The following CRPPA variants were observed in gnomAD, a reference collection of about 807,000 sequenced individuals.
CRPPA encodes the protein CDP-L-ribitol pyrophosphorylase A, also known as D-ribitol-5-phosphate cytidylyltransferase.
A neutral mutation model predicts 52.0 loss-of-function variants in CRPPA; 43 were observed. The ratio of observed to expected loss-of-function variants is 0.83; its 90% CI spans 0.65 to 1.07. CRPPA has a LOEUF of 1.07. Among genes scored for constraint, CRPPA ranks in the 50% least tolerant of loss-of-function variants. The probability of loss-of-function intolerance (pLI) is 0.00; values close to 1 mark genes in which losing one functional copy is unlikely to be tolerated. For missense variants in CRPPA, 629 were observed against 551.7 expected (o/e 1.14, Z -1.40); for synonymous variants, 250 against 203.5 (o/e 1.23, Z -1.94).
chr7:16,364,181 T>G (rs1403205600), intron 3 of CRPPA, among the ~76,000 whole-genome samples: 1 of 152,186 alleles, frequency 6.6e-6, no homozygotes, highest in Admixed American at 6.5e-5. Flanking sequence ...CTTTTTACAT[T>G]AAGGCATAAA....
At chr7:16,096,768 A>C (rs1039713576) in intron 9 of CRPPA, among the ~76,000 whole-genome samples, 2 of 152,176 alleles carry the variant, frequency 1.3e-5, no homozygotes, top group African/African-American at 4.8e-5. Flanking sequence ...CTTGGTTACA[A>C]CTATATTATA....
chr7:16,118,467 CT>C (rs1227001332), intron 9 of CRPPA, among the ~76,000 whole-genome samples: 4 of 152,180 alleles, frequency 2.6e-5, no homozygotes, highest in Non-Finnish European at 4.4e-5. Context: ...AAAAATTGTG[CT>C]CTTGAACAGT....
chr7:16,180,628 T>C (rs1781393691), intron 9 of CRPPA, among the ~76,000 whole-genome samples: 1 of 152,102 alleles, frequency 6.6e-6, no homozygotes, highest in Non-Finnish European at 1.5e-5. Flanking sequence ...CAATATTTTC[T>C]ACAATTTTAT....
chr7:16,278,878 T>C (rs1327496991), intron 5 of CRPPA, among the ~76,000 whole-genome samples: 2 of 152,190 alleles, frequency 1.3e-5, no homozygotes, highest in African/African-American at 4.8e-5. Context: ...AGATATGAAG[T>C]CCTCCTCTAT....
intron 8 of CRPPA, among the ~76,000 whole-genome samples, chr7:16,254,435 G>T (rs972474085): frequency 2.0e-5 from 3 of 152,066 alleles, no homozygotes; most frequent in Admixed American, 1.3e-4. Flanking sequence ...CATGTCCTTT[G>T]TAGGGACATG....
chr7:16,346,130 T>C (rs1444224754), intron 3 of CRPPA, among the ~76,000 whole-genome samples: 2 of 152,150 alleles, frequency 1.3e-5, no homozygotes, highest in Admixed American at 1.3e-4. Flanking sequence ...AAATAATTAC[T>C]GAGTGGCTAT....
intron 8 of CRPPA, among the ~76,000 whole-genome samples, chr7:16,225,681 AATT>A (rs1464087158): frequency 2.0e-5 from 3 of 151,952 alleles, no homozygotes; most frequent in Admixed American, 6.6e-5. Context: ...ATCAATCTAT[AATT>A]ATTATTAAGG....
intron 1 of CRPPA, among the ~76,000 whole-genome samples, chr7:16,420,702 G>A (rs1233454738): frequency 1.3e-5 from 2 of 152,166 alleles, no homozygotes; most frequent in Non-Finnish European, 2.9e-5. Context: ...ATGCGCGGAG[G>A]CAGAGCCCCA....
rs1263131424 is a variant in CRPPA, at chr7:16,090,709, A to C, written c.*986T>G. 6.6e-6 allele frequency: 1 copy of C among 152,096 alleles called. No individual in the cohort carries two copies. The highest frequency in any genetic ancestry group is 1.5e-5 in the Non-Finnish European group (1 of 68,032). The allele number at this position is 152,096 out of a possible 1,614,324, so 9.4% of individuals were successfully genotyped here. ...CTGCACTCCAGCCTGACAGAGGGCG[A>C]CTGCATTTCAAAACAATAAAAAATA... is the stretch of plus-strand genomic sequence containing the variant. On this transcript the variant is annotated 3_prime_UTR_variant, in exon 10 of 10. Coordinates refer to ENST00000407010, the MANE Select transcript of CRPPA (RefSeq NM_001101426.4).
intron 9 of CRPPA, among the ~76,000 whole-genome samples, chr7:16,208,051 T>G (rs916416093): frequency 6.6e-6 from 1 of 152,190 alleles, no homozygotes; most frequent in African/African-American, 2.4e-5. Flanking sequence ...ACTGTATGCA[T>G]CTCAACTTTC....
intron 9 of CRPPA, among the ~76,000 whole-genome samples, chr7:16,120,031 A>G (rs1782451483): frequency 6.6e-6 from 1 of 152,210 alleles, no homozygotes; most frequent in South Asian, 2.1e-4. Flanking sequence ...AACAAGGAAC[A>G]GACACATTTT....
Position 16,258,952 on chromosome 7 carries a change from A to G in CRPPA, c.994T>C (p.Leu332=), listed in dbSNP as rs2128412518. 3.1e-6 allele frequency: 5 copies of G among 1,611,264 alleles called. No individual in the cohort carries two copies. Among genetic ancestry groups the G allele is most frequent in the Non-Finnish European group, 4.2e-6 (5 of 1,178,364 alleles). ...CAAACAAAATTGTAGCATTGATCTAAGATGATTTGCTGAAGATGTCTGCCA... is the reference window on the plus strand; with the variant it reads ...CAAACAAAATTGTAGCATTGATCTAGGATGATTTGCTGAAGATGTCTGCCA... ...HAGRHLQQII[L]DQCYNFVCVN... Residue 332 remains leucine, a synonymous_variant, in exon 7 of 10, where the codon TTA becomes CTA. Coordinates refer to ENST00000407010, the MANE Select transcript of CRPPA (RefSeq NM_001101426.4).
At position 16,132,600 on chromosome 7, in the gene CRPPA, T is replaced by C. The variant is rs1428070799; in HGVS notation, c.1252-40801A>G. Among the ~76,000 whole-genome samples, 2 of 124,736 alleles carry C rather than the reference T, an allele frequency of 1.6e-5. 1 individual carries two copies. Among genetic ancestry groups the C allele is most frequent in the African/African-American group, 5.2e-5 (2 of 38,438 alleles). The allele number at this position is 124,736 out of a possible 152,430, so 81.8% of individuals were successfully genotyped here. On this transcript the variant is annotated intron_variant, in intron 9 of 9. Coordinates refer to ENST00000407010, the MANE Select transcript of CRPPA (RefSeq NM_001101426.4). The stretch of plus-strand genomic sequence containing the variant: ...GATTTCTTCATATGAAACTAAAGTC[T>C]ATAGTAGGTTTTATAATACCATTGA...
At chr7:16,251,332 A>G (rs2128409778) in intron 8 of CRPPA, among the ~76,000 whole-genome samples, 1 of 152,160 alleles carries the variant, frequency 6.6e-6, no homozygotes, top group East Asian at 1.9e-4. Context: ...ACAGAAAATT[A>G]ACAAGGATAA....
intron 2 of CRPPA, among the ~76,000 whole-genome samples, chr7:16,383,834 T>C (rs971546993): frequency 2.0e-5 from 3 of 152,220 alleles, no homozygotes; most frequent in African/African-American, 7.2e-5. Flanking sequence ...GTGCCGTTTT[T>C]TAAGCCCGTC....
intron 8 of CRPPA, among the ~76,000 whole-genome samples, chr7:16,248,250 G>T (rs777187892): frequency 2.7e-4 from 41 of 152,214 alleles, no homozygotes; most frequent in Non-Finnish European, 4.4e-4. Context: ...GAGCTGGAGG[G>T]ATCACTTGAG....
intron 2 of CRPPA, among the ~76,000 whole-genome samples, chr7:16,394,452 C>A (rs1787520944): frequency 1.3e-5 from 2 of 151,962 alleles, no homozygotes; most frequent in African/African-American, 2.4e-5. Flanking sequence ...AAAAGTGAGA[C>A]AACAAGAAAA....
intron 8 of CRPPA, among the ~76,000 whole-genome samples, chr7:16,218,873 G>C (rs1166479130): frequency 6.6e-6 from 1 of 150,772 alleles, no homozygotes; most frequent in Admixed American, 6.6e-5. Context: ...GTCAACATTA[G>C]ACAGATCAAC....
intron 8 of CRPPA, among the ~76,000 whole-genome samples, chr7:16,232,416 C>T (rs1295772343): frequency 1.3e-5 from 2 of 152,160 alleles, no homozygotes; most frequent in Non-Finnish European, 2.9e-5. Context: ...CAGCCCACTT[C>T]TCTCTGCCAT....
Sources: allele counts gnomAD v4.1 joint callset (sites outside exome capture counted in the v4.1 genomes callset), GRCh38; gene constraint gnomAD v4.1.1; transcripts MANE v1.5; gene names NCBI Gene and HGNC (gene_info 2026-07-23, HGNC 2026-07-21).